The following UNC13C variants were observed in gnomAD, a reference collection of about 807,000 sequenced individuals.
UNC13C encodes the protein unc-13 homolog C.
Under a neutral mutation model 245.4 loss-of-function variants are expected in UNC13C, and 174 were observed. The ratio of observed to expected loss-of-function variants is 0.71; its 90% CI spans 0.63 to 0.80. UNC13C has a LOEUF of 0.80. Among genes scored for constraint, UNC13C ranks in the 30% least tolerant of loss-of-function variants. The pLI is 0.00. For synonymous variants in UNC13C, 992 were observed against 895.1 expected, an observed-to-expected ratio of 1.11 and a Z score of -1.93; for missense variants, 2,829 against 2,602.9, an observed-to-expected ratio of 1.09 and a Z score of -1.89.
At chr15:54,516,112 T>C (rs1338321299) in intron 24 of UNC13C, among the ~76,000 whole-genome samples, 1 of 152,330 alleles carries the variant, frequency 6.6e-6, no homozygotes, top group East Asian at 1.9e-4. Flanking sequence ...AGTGTGTGTA[T>C]GTAGCTCATT....
At chr15:54,138,835 C>G (rs960785731) in intron 2 of UNC13C, among the ~76,000 whole-genome samples, 16 of 151,526 alleles carry the variant, frequency 1.1e-4, no homozygotes, top group Non-Finnish European at 2.1e-4. Flanking sequence ...TCTGAAGGAA[C>G]TAGGGGAGAA....
chr15:54,261,551 G>A (rs981246125), intron 8 of UNC13C, among the ~76,000 whole-genome samples: 4 of 151,904 alleles, frequency 2.6e-5, no homozygotes, highest in Non-Finnish European at 4.4e-5. Flanking sequence ...GTTTTGTTTT[G>A]TTTTGTTTTG....
intron 2 of UNC13C, among the ~76,000 whole-genome samples, chr15:54,030,964 C>T (rs572749434): frequency 3.9e-5 from 6 of 152,212 alleles, no homozygotes; most frequent in African/African-American, 1.4e-4. Flanking sequence ...AGGATGAAAA[C>T]ATTCAAACCA....
intron 10 of UNC13C, among the ~76,000 whole-genome samples, chr15:54,271,167 G>T (rs776910331): frequency 5.3e-5 from 8 of 152,114 alleles, no homozygotes; most frequent in Non-Finnish European, 8.8e-5. Flanking sequence ...ACAGCATTTG[G>T]AGAGAACAGA....
chr15:54,570,949 C>T (rs1309377203), intron 30 of UNC13C, among the ~76,000 whole-genome samples: 2 of 152,120 alleles, frequency 1.3e-5, no homozygotes, highest in Non-Finnish European at 2.9e-5. Context: ...ATATAAAGTG[C>T]TATACAATTC....
rs556876205 is a variant in UNC13C, at chr15:54,171,050, A to G, written c.3071+27366A>G. Among the ~76,000 whole-genome samples, 111 of 152,246 alleles carry G rather than the reference A, an allele frequency of 7.3e-4. 2 individuals are homozygous for G. In the South Asian group the frequency reaches 0.022, roughly 30 times the overall value. ...CAAGCCCTTTTTAGTGTGCCAATTA[A>G]TGAGTTTTGTCAAATGTACACATGC... On this transcript the variant is annotated intron_variant, in intron 4 of 32. Transcript: ENST00000260323.
rs1478750286 is a variant in UNC13C, at chr15:54,491,674, A to G, written c.4934-2934A>G. On this transcript the variant is annotated intron_variant, in intron 19 of 32. Transcript: ENST00000260323. ...CAATACCTTTCCTAAGTCACATGAT[A>G]TCTGCTTGCTTTCATTATTTTCTGT... Among the ~76,000 whole-genome samples, 7 of 152,234 alleles carry G rather than the reference A, an allele frequency of 4.6e-5. No homozygotes were observed. In the South Asian group the frequency reaches 1.0e-3, roughly 23 times the overall value.
chr15:53,871,399 T>C, the UNC13C span, among the ~76,000 whole-genome samples: 5 of 152,198 alleles, frequency 3.3e-5, no homozygotes, highest in African/African-American at 1.2e-4. Flanking sequence ...ACATCTTGAT[T>C]CTGGGAAGCA....
rs75476538 is a variant in UNC13C, at chr15:54,430,684, G to T, written c.4933+15617G>T. The stretch of plus-strand genomic sequence containing the variant: ...GTCTTGTTTTATCTTGTTTAAATTT[G>T]CACTAACTGAATAAAATTTTGCATG... On this transcript the variant is annotated intron_variant, in intron 19 of 32. Coordinates refer to ENST00000260323, the MANE Select transcript of UNC13C (RefSeq NM_001080534.3). Among the ~76,000 whole-genome samples the T allele has an allele frequency of 7.5e-3, 1,138 of 151,648 alleles. 17 individuals are homozygous for T. The highest frequency in any genetic ancestry group is 0.027 in the African/African-American group (1,100 of 41,422).
intron 17 of UNC13C, among the ~76,000 whole-genome samples, chr15:54,357,773 A>C (rs2039129977): frequency 6.6e-6 from 1 of 152,108 alleles, no homozygotes; most frequent in Non-Finnish European, 1.5e-5. Context: ...TTTGGTTTCC[A>C]TATAAATTTC....
At chr15:53,911,353 T>A in the UNC13C span, 2 of 152,326 alleles carry the variant, frequency 1.3e-5, no homozygotes, top group Non-Finnish European at 2.9e-5. Flanking sequence ...AGTCTGATGC[T>A]GAGGAGGAGG....
rs984895820 is a variant in UNC13C at position 54,310,348 on chromosome 15, A to G, written c.4268+9975A>G. ...AAACTCAGAGGCGGACATCTTGCCA[A>G]ATTGAACCTCCTATAGAAGCCCATT... On this transcript the variant is annotated intron_variant, in intron 13 of 32. Coordinates refer to ENST00000260323, the MANE Select transcript of UNC13C (RefSeq NM_001080534.3). Among the ~76,000 whole-genome samples, 28 of 151,902 alleles carry G rather than the reference A, an allele frequency of 1.8e-4. 1 individual carries two copies. Among genetic ancestry groups the G allele is most frequent in the Non-Finnish European group, 3.1e-4 (21 of 67,866 alleles).
the UNC13C span, among the ~76,000 whole-genome samples, chr15:53,855,523 A>G: frequency 6.6e-6 from 1 of 152,190 alleles, no homozygotes; most frequent in Non-Finnish European, 1.5e-5. Context: ...GAGTTTTATC[A>G]AAGCCCTCTT....
intron 14 of UNC13C, among the ~76,000 whole-genome samples, chr15:54,323,002 T>C (rs1250484589): frequency 1.9e-5 from 2 of 103,810 alleles, no homozygotes; most frequent in Non-Finnish European, 4.6e-5. Context: ...ACAGGTTTTT[T>C]GTTCTCTTTT....
intron 14 of UNC13C, among the ~76,000 whole-genome samples, chr15:54,329,459 G>A (rs2140991190): frequency 6.6e-6 from 1 of 151,792 alleles, no homozygotes; most frequent in South Asian, 2.1e-4. Flanking sequence ...AGACATATGT[G>A]GCCCTTATTT....
upstream of UNC13C, among the ~76,000 whole-genome samples, chr15:53,974,607 G>A (rs1444728212): frequency 2.6e-5 from 4 of 152,206 alleles, no homozygotes; most frequent in Admixed American, 2.6e-4. Context: ...ATACTGACTG[G>A]AGAAGTACAG....
chr15:54,395,039 C>A (rs2040041647), intron 18 of UNC13C, among the ~76,000 whole-genome samples: 2 of 151,368 alleles, frequency 1.3e-5, no homozygotes, highest in South Asian at 4.2e-4. Flanking sequence ...AGTTTAAGTC[C>A]ACTTTTTTCC....
intron 4 of UNC13C, among the ~76,000 whole-genome samples, chr15:54,226,808 G>A (rs962928040): frequency 1.3e-5 from 2 of 152,172 alleles, no homozygotes; most frequent in African/African-American, 4.8e-5. Context: ...AGGCACCTGT[G>A]TCTGGACAGA....
At chr15:53,985,663 G>C (rs1383370006) in intron 1 of UNC13C, among the ~76,000 whole-genome samples, 1 of 152,008 alleles carries the variant, frequency 6.6e-6, no homozygotes, top group African/African-American at 2.4e-5. Context: ...GGCAGAAGAT[G>C]TATAGCTATG....
Sources: gnomAD v4.1 joint callset for allele counts (sites outside exome capture counted in the v4.1 genomes callset) on GRCh38, gnomAD v4.1.1 for gene constraint, MANE v1.5 for transcripts, NCBI Gene and HGNC (gene_info 2026-07-23, HGNC 2026-07-21) for gene names.